PEX14: variants seen among roughly 807,000 people sequenced by gnomAD.
The protein encoded by PEX14 is peroxisomal biogenesis factor 14.
Under a neutral mutation model 49.5 loss-of-function variants are expected in PEX14, and 15 were observed. The ratio of observed to expected loss-of-function variants is 0.30; its 90% CI spans 0.20 to 0.47. PEX14 has a LOEUF of 0.47. Ranked by LOEUF, PEX14 falls within the 20% of genes least tolerant of loss-of-function variation. The pLI is 1.00. For missense variants in PEX14, 398 were observed against 494.8 expected (o/e 0.80, Z 1.86); for synonymous variants, 210 against 212.7 (o/e 0.99, Z 0.11).
chr1:10,474,973 T>C lies in PEX14; in HGVS notation c.7T>C (p.Ser3Pro), dbSNP rs371438323. MA[S>P]SEQAEQPSQP... ...TTAGTCAGGCCTCAGAAAGATGGCG[T>C]CCTCGGAGCAGGCAGAGCAGCCGAG... The change falls in exon 1 of 9, where the codon TCC becomes CCC. Residue 3 changes from serine to proline, a missense_variant. Transcript: ENST00000356607. 6.2e-7 allele frequency: 1 copy of C among 1,609,006 alleles called. No homozygotes were observed. Among genetic ancestry groups the C allele is most frequent in the Non-Finnish European group, 8.5e-7 (1 of 1,178,044 alleles).
intron 4 of PEX14, among the ~76,000 whole-genome samples, chr1:10,616,583 C>T (rs959359005): frequency 2.0e-5 from 3 of 152,210 alleles, no homozygotes; most frequent in Admixed American, 6.5e-5. Context: ...GTCCCACCCA[C>T]GCCCCTCCTG....
In PEX14 at chr1:10,567,824, T is replaced by A. The variant is rs546666676; in HGVS notation, c.170-31414T>A. Reference sequence around the variant, plus strand: ...TTTCTTATTTTTTGTAGAGACGGGGTCTCACTATGTTGCCCAGGCTGGTCG... The same window carrying A: ...TTTCTTATTTTTTGTAGAGACGGGGACTCACTATGTTGCCCAGGCTGGTCG... On this transcript the variant is annotated intron_variant, in intron 3 of 8. Coordinates refer to ENST00000356607, the MANE Select transcript of PEX14 (RefSeq NM_004565.3). Among the ~76,000 whole-genome samples, 194 of 152,208 alleles carry A rather than the reference T, an allele frequency of 1.3e-3. 1 individual carries two copies. Among genetic ancestry groups the A allele is most frequent in the Non-Finnish European group, 2.4e-3 (163 of 68,002 alleles).
At chr1:10,586,031 G>T (rs1255754379) in intron 3 of PEX14, among the ~76,000 whole-genome samples, 1 of 152,164 alleles carries the variant, frequency 6.6e-6, no homozygotes, top group Non-Finnish European at 1.5e-5. Flanking sequence ...AGCAAAACTG[G>T]ACAGACCTGA....
At chr1:10,572,056 A>G (rs1340084621) in intron 3 of PEX14, among the ~76,000 whole-genome samples, 3 of 152,018 alleles carry the variant, frequency 2.0e-5, no homozygotes, top group Non-Finnish European at 4.4e-5. Flanking sequence ...CAAGTTAGAG[A>G]TTTTACTCAG....
In PEX14 at chr1:10,613,142, GT is replaced by G. The variant is rs941562983; in HGVS notation, c.299-5187del. On this transcript the variant is annotated intron_variant, in intron 4 of 8. Transcript: ENST00000356607. The surrounding 1 kb of genome is among the most constrained non-coding windows in gnomAD (Gnocchi z 5.0). ...ATCGGTCTGTGACTTGCTCAGCAAG[GT>G]TTCAGGCTCAACATTGCCGTGTTGT... 2.0e-5 allele frequency among the ~76,000 whole-genome samples: 3 copies of G among 150,436 alleles called. No individual in the cohort carries two copies. Among genetic ancestry groups the G allele is most frequent in the African/African-American group, 7.4e-5 (3 of 40,786 alleles).
At chr1:10,534,957 A>G (rs558686795) in intron 2 of PEX14, among the ~76,000 whole-genome samples, 1 of 152,224 alleles carries the variant, frequency 6.6e-6, no homozygotes, top group South Asian at 2.1e-4. Flanking sequence ...ATGGGGAAGG[A>G]GATGATTTGT....
intron 2 of PEX14, among the ~76,000 whole-genome samples, chr1:10,513,768 G>A (rs1641924403): frequency 6.6e-6 from 1 of 152,188 alleles, no homozygotes; most frequent in South Asian, 2.1e-4. Flanking sequence ...TATATTGATT[G>A]CTATAGGGAC....
chr1:10,590,485 A>G (rs936624038), intron 3 of PEX14, among the ~76,000 whole-genome samples: 2 of 152,186 alleles, frequency 1.3e-5, no homozygotes, highest in Non-Finnish European at 2.9e-5. Flanking sequence ...TATTCTATAT[A>G]CTATACCTAT....
At chr1:10,600,326 AAGG>A (rs1294020630) in intron 4 of PEX14, among the ~76,000 whole-genome samples, 1 of 150,974 alleles carries the variant, frequency 6.6e-6, no homozygotes, top group Admixed American at 6.6e-5. Context: ...GAGGCTGAGG[AAGG>A]AGAATTGCTT....
intron 3 of PEX14, among the ~76,000 whole-genome samples, chr1:10,589,388 A>G (rs1225235833): frequency 2.6e-5 from 4 of 152,032 alleles, no homozygotes; most frequent in African/African-American, 4.8e-5. Context: ...CCCCACCCCA[A>G]CCGGGTGTAG....
At chr1:10,508,582 A>C (rs1641830130) in intron 2 of PEX14, among the ~76,000 whole-genome samples, 1 of 152,104 alleles carries the variant, frequency 6.6e-6, no homozygotes, top group Admixed American at 6.5e-5. Flanking sequence ...CCTCCCCCCC[A>C]GAAGTGCACC....
chr1:10,626,788 C>G (rs1465554568), intron 7 of PEX14, among the ~76,000 whole-genome samples: 1 of 152,242 alleles, frequency 6.6e-6, no homozygotes, highest in African/African-American at 2.4e-5. Context: ...TTTGGCTGTC[C>G]TCTTCCCCGT....
chr1:10,541,357 A>C (rs1005893594), intron 3 of PEX14, among the ~76,000 whole-genome samples: 6 of 152,190 alleles, frequency 3.9e-5, no homozygotes, highest in Admixed American at 1.3e-4. Flanking sequence ...AACCTGGAGG[A>C]AGAAGGCAAA....
intron 4 of PEX14, among the ~76,000 whole-genome samples, chr1:10,600,441 G>A (rs1229129712): frequency 2.0e-5 from 3 of 151,702 alleles, no homozygotes; most frequent in African/African-American, 7.3e-5. Context: ...AACAGGCAGG[G>A]TGCAGTGGCT....
intron 3 of PEX14, among the ~76,000 whole-genome samples, chr1:10,571,535 A>G (rs143554486): frequency 2.5e-4 from 38 of 152,132 alleles, no homozygotes; most frequent in Admixed American, 2.4e-3. Flanking sequence ...TGGGCCGGGC[A>G]CAGTGCCTCA....
At chr1:10,540,254 C>G (rs1385809873) in intron 3 of PEX14, among the ~76,000 whole-genome samples, 1 of 152,214 alleles carries the variant, frequency 6.6e-6, no homozygotes, top group Non-Finnish European at 1.5e-5. Flanking sequence ...AAGGGCTTCT[C>G]TGTAGAATAT....
chr1:10,504,118 T>G (rs1269254315), intron 2 of PEX14, among the ~76,000 whole-genome samples: 1 of 152,242 alleles, frequency 6.6e-6, no homozygotes, highest in Non-Finnish European at 1.5e-5. Context: ...AAATATGATC[T>G]TGTAGTTAGT....
intron 4 of PEX14, among the ~76,000 whole-genome samples, chr1:10,601,416 C>T (rs1474153057): frequency 1.3e-5 from 2 of 152,184 alleles, no homozygotes; most frequent in Non-Finnish European, 1.5e-5. Context: ...TGCAGCTAGG[C>T]AGGTGTGATC....
At chr1:10,596,928 C>G (rs1381225509) in intron 3 of PEX14, among the ~76,000 whole-genome samples, 1 of 152,232 alleles carries the variant, frequency 6.6e-6, no homozygotes, top group Non-Finnish European at 1.5e-5. Flanking sequence ...GATGCCCTTT[C>G]AACTGTGGCC....
Sources: gnomAD v4.1 joint callset for allele counts (sites outside exome capture counted in the v4.1 genomes callset) on GRCh38, gnomAD v4.1.1 for gene constraint, Gnocchi (gnomAD v3.1) non-coding constraint, MANE v1.5 for transcripts, NCBI Gene and HGNC (gene_info 2026-07-23, HGNC 2026-07-21) for gene names.